The following PIAS2 variants were observed in gnomAD, a reference collection of about 807,000 sequenced individuals.
The protein encoded by PIAS2 is E3 SUMO-protein ligase PIAS2.
In PIAS2, 19 loss-of-function variants were observed where a neutral mutation model predicts 69.7. The observed-to-expected ratio is 0.27, with a 90% confidence interval of 0.19 to 0.40. The LOEUF is 0.40. Among genes scored for constraint, PIAS2 ranks in the 10% least tolerant of loss-of-function variants. The pLI, the probability that PIAS2 is intolerant of heterozygous loss-of-function variation, is 1.00. For missense variants in PIAS2, 624 were observed against 757.0 expected, an observed-to-expected ratio of 0.82 and a Z score of 2.06; for synonymous variants, 261 against 263.2, an observed-to-expected ratio of 0.99 and a Z score of 0.08.
chr18:46,887,584 G>C (rs1237426537), intron 2 of PIAS2, among the ~76,000 whole-genome samples: 1 of 152,136 alleles, frequency 6.6e-6, no homozygotes, highest in African/African-American at 2.4e-5. Context: ...GCAAAAATTT[G>C]TTAGTCACAT....
intron 2 of PIAS2, among the ~76,000 whole-genome samples, chr18:46,881,736 A>G (rs1252382025): frequency 1.3e-5 from 2 of 152,228 alleles, no homozygotes; most frequent in Non-Finnish European, 1.5e-5. Flanking sequence ...TCGAATGTGA[A>G]CATTACCTCC....
rs1386449172 is a variant in PIAS2 at position 46,836,435 on chromosome 18, T to C, written c.1124A>G (p.Gln375Arg). The C allele has an allele frequency of 6.2e-7, 1 of 1,614,006 alleles. No individual in the cohort carries two copies. The highest frequency in any genetic ancestry group is 8.5e-7 in the Non-Finnish European group (1 of 1,179,886). The change falls in exon 9 of 14, where the codon CAA becomes CGA. Residue 375 changes from glutamine to arginine, a missense_variant. By Grantham distance (43) the Gln-to-Arg change is conservative. Coordinates refer to ENST00000585916, the MANE Select transcript of PIAS2 (RefSeq NM_004671.5). ...CCAGGTGGGCTTTTTCTCATTCATT[T>C]GTAGATAGAGGGCAGCATCAAAACA... ...LQCFDAALYL[Q>R]MNEKKPTWIC...
chr18:46,845,435 T>C (rs2046026418), intron 6 of PIAS2, among the ~76,000 whole-genome samples: 1 of 152,130 alleles, frequency 6.6e-6, no homozygotes, highest in Non-Finnish European at 1.5e-5. Context: ...AATTAACTCC[T>C]GTACCCCAAA....
chr18:46,882,028 C>T (rs1477734306), intron 2 of PIAS2, among the ~76,000 whole-genome samples: 2 of 151,598 alleles, frequency 1.3e-5, no homozygotes, highest in African/African-American at 4.8e-5. Context: ...ACCCAGGAGG[C>T]AGAGGTTGCA....
At chr18:46,870,774 A>C (rs1466398977) in intron 2 of PIAS2, among the ~76,000 whole-genome samples, 2 of 152,164 alleles carry the variant, frequency 1.3e-5, no homozygotes, top group South Asian at 2.1e-4. Context: ...GGGAAGAAAG[A>C]AGCATGATCC....
chr18:46,890,616 C>A lies in PIAS2; in HGVS notation c.463G>T (p.Asp155Tyr). Reference sequence around the variant, plus strand: ...GGCTTGATGAGAACATCAAGGACATCATAAAAGGGCAGATTTTTTAACTGC... The same window carrying A: ...GGCTTGATGAGAACATCAAGGACATAATAAAAGGGCAGATTTTTTAACTGC... ...DVQLKNLPFY[D>Y]VLDVLIKPTS... is the part of the protein sequence containing the mutation. The change falls in exon 2 of 14, where the codon GAT (aspartate) becomes TAT (tyrosine). Residue 155 changes from aspartate (D) to tyrosine (Y), a missense_variant. Physicochemically the swap from Asp to Tyr is radical, Grantham distance 160 (BLOSUM62 -3). Transcript: ENST00000585916. The A allele has an allele frequency of 6.2e-7, 1 of 1,613,900 alleles. No homozygotes were observed. Among genetic ancestry groups the A allele is most frequent in the Non-Finnish European group, 8.5e-7 (1 of 1,179,872 alleles).
Position 46,855,278 on chromosome 18 carries a change from GT to G in PIAS2, c.726+66del. The G allele has an allele frequency of 6.1e-6, 6 of 985,160 alleles. 1 individual carries two copies. Among genetic ancestry groups the G allele is most frequent in the Non-Finnish European group, 7.8e-6 (5 of 637,630 alleles). 61.0% of individuals were successfully genotyped at this position (985,160 alleles called of 1,614,324 possible). ...GGTATTCAGCTGTCACTGTTGCACT[GT>G]TTCTAGGCCTTGTCAGTGTTTATAT... On this transcript the variant is annotated intron_variant, in intron 5 of 13. Transcript: ENST00000585916.
At chr18:46,885,948 G>T (rs980979161) in intron 2 of PIAS2, among the ~76,000 whole-genome samples, 6 of 152,162 alleles carry the variant, frequency 3.9e-5, no homozygotes, top group Admixed American at 1.3e-4. Context: ...CTTTACTGAG[G>T]TTAATAAAAG....
At chr18:46,852,163 T>C (rs1203431061) in intron 5 of PIAS2, among the ~76,000 whole-genome samples, 8 of 152,198 alleles carry the variant, frequency 5.3e-5, no homozygotes, top group African/African-American at 9.7e-5. Context: ...TGTTTTATAT[T>C]TAAAAAGACT....
chr18:46,816,523 G>A, intron 12 of PIAS2: 5 of 832,668 alleles, frequency 6.0e-6, no homozygotes, highest in Non-Finnish European at 7.2e-6. Flanking sequence ...TGTTGCCCAG[G>A]CTGGAGTGCA....
At chr18:46,830,600 G>C (rs1461759411) in intron 9 of PIAS2, among the ~76,000 whole-genome samples, 1 of 151,622 alleles carries the variant, frequency 6.6e-6, no homozygotes, top group East Asian at 1.9e-4. Flanking sequence ...AGCAAGAAAA[G>C]AGAAATAACA....
chr18:46,833,502 C>A (rs1215365452), intron 9 of PIAS2, among the ~76,000 whole-genome samples: 1 of 152,144 alleles, frequency 6.6e-6, no homozygotes, highest in East Asian at 1.9e-4. Context: ...TCAAATTGTA[C>A]ATTTTACATG....
intron 2 of PIAS2, among the ~76,000 whole-genome samples, chr18:46,877,118 C>T (rs967808719): frequency 2.0e-5 from 3 of 152,072 alleles, no homozygotes; most frequent in African/African-American, 7.2e-5. Context: ...TATATCATAC[C>T]CTGTGCCAGA....
chr18:46,848,268 T>C (rs1377536598), intron 5 of PIAS2, among the ~76,000 whole-genome samples: 2 of 152,226 alleles, frequency 1.3e-5, no homozygotes, highest in African/African-American at 2.4e-5. Flanking sequence ...ACAATCTGGA[T>C]CTTATGAGAA....
At chr18:46,886,845 C>A (rs1412568841) in intron 2 of PIAS2, among the ~76,000 whole-genome samples, 2 of 148,898 alleles carry the variant, frequency 1.3e-5, no homozygotes, top group Admixed American at 6.7e-5. Flanking sequence ...CCCCCCCCTC[C>A]AAAAAAAAAC....
At chr18:46,904,048 A>T (rs2056255470) in intron 1 of PIAS2, 1 of 152,236 alleles carries the variant, frequency 6.6e-6, no homozygotes, top group Non-Finnish European at 1.5e-5. Flanking sequence ...CGGGCCCCAG[A>T]GAGTGAGGGA....
intron 2 of PIAS2, among the ~76,000 whole-genome samples, chr18:46,868,096 T>A (rs1028047894): frequency 2.0e-5 from 3 of 152,184 alleles, no homozygotes; most frequent in Admixed American, 6.5e-5. Context: ...ACCTCAAGCA[T>A]ATGTCTTCTC....
chr18:46,858,992 T>A (rs2048251553), intron 3 of PIAS2, among the ~76,000 whole-genome samples: 1 of 151,856 alleles, frequency 6.6e-6, no homozygotes, highest in Admixed American at 6.6e-5. Flanking sequence ...GAAAGTGAGG[T>A]TTAGTCACCT....
At chr18:46,890,126 T>G (rs1394774991) in intron 2 of PIAS2, among the ~76,000 whole-genome samples, 1 of 152,168 alleles carries the variant, frequency 6.6e-6, no homozygotes, top group African/African-American at 2.4e-5. Flanking sequence ...CATGAGGTAC[T>G]TGGAATAGTC....
Sources: allele counts gnomAD v4.1 joint callset (sites outside exome capture counted in the v4.1 genomes callset), GRCh38; gene constraint gnomAD v4.1.1; transcripts MANE v1.5; gene names NCBI Gene and HGNC (gene_info 2026-07-23, HGNC 2026-07-21).